Variants in OTOGL observed in about 807,000 individuals in gnomAD.
The protein encoded by OTOGL is otogelin-like protein.
In OTOGL, 285 loss-of-function variants were observed where a neutral mutation model predicts 318.5. That is an observed-to-expected ratio of 0.89 (90% CI 0.81 to 0.99). OTOGL has a LOEUF of 0.99. OTOGL is among the 50% of genes least tolerant of loss of function. The probability of loss-of-function intolerance (pLI) is 0.00; values close to 1 mark genes in which losing one functional copy is unlikely to be tolerated. For missense variants in OTOGL, 2,899 were observed against 2,845.6 expected (o/e 1.02, Z -0.43); for synonymous variants, 987 against 936.5 (o/e 1.05, Z -0.99).
At chr12:80,250,699 G>A (rs1156952862) in intron 11 of OTOGL, among the ~76,000 whole-genome samples, 2 of 152,146 alleles carry the variant, frequency 1.3e-5, no homozygotes, top group Non-Finnish European at 2.9e-5. Flanking sequence ...CAGGATAAGG[G>A]CAATTTGAGA....
chr12:80,298,027 A>G (rs991678239), intron 27 of OTOGL, among the ~76,000 whole-genome samples: 4 of 152,174 alleles, frequency 2.6e-5, no homozygotes, highest in African/African-American at 9.7e-5. Context: ...AGCCTGCCCA[A>G]TTTAAAAGAA....
chr12:80,278,993 T>TTTTTAA, intron 25 of OTOGL, 35 bp from the exon 26 acceptor site: 1 of 1,541,268 alleles, frequency 6.5e-7, no homozygotes, highest in Non-Finnish European at 8.8e-7. Flanking sequence ...TAGAGTCGTT[T>TTTTTAA]CTTTAGAAAG....
At chr12:80,211,523 G>C (rs1877255056) in intron 3 of OTOGL, among the ~76,000 whole-genome samples, 1 of 152,062 alleles carries the variant, frequency 6.6e-6, no homozygotes, top group African/African-American at 2.4e-5. Context: ...TTACATTAAT[G>C]TTAACTTGCC....
Position 80,309,550 on chromosome 12 carries a change from G to A in OTOGL, c.3334-1061G>A, listed in dbSNP as rs574734663. 5.9e-5 allele frequency among the ~76,000 whole-genome samples: 9 copies of A among 152,338 alleles called. No homozygotes were observed. In the South Asian group the frequency reaches 1.7e-3, roughly 28 times the overall value. On this transcript the variant is annotated intron_variant, in intron 29 of 58. Transcript: ENST00000547103. ...AAATACAGAATAGCTGAAGTGCAAA[G>A]TATAGATCTGCAAGATACAAGGGCC...
intron 1 of OTOGL, among the ~76,000 whole-genome samples, chr12:80,157,380 C>T (rs936268148): frequency 9.2e-5 from 14 of 151,864 alleles, no homozygotes; most frequent in Non-Finnish European, 1.9e-4. Context: ...TATTTTCTCC[C>T]ATTCTATGTG....
intron 8 of OTOGL, among the ~76,000 whole-genome samples, chr12:80,231,198 T>G (rs1407138596): frequency 5.9e-5 from 9 of 152,180 alleles, no homozygotes; most frequent in Non-Finnish European, 1.3e-4. Context: ...TTTTATAAAC[T>G]TAGAAACTTA....
intron 55 of OTOGL, among the ~76,000 whole-genome samples, chr12:80,369,757 G>A (rs993473011): frequency 6.6e-6 from 1 of 151,876 alleles, no homozygotes; most frequent in Non-Finnish European, 1.5e-5. Flanking sequence ...AATTGAGAAG[G>A]CCTAGAACAA....
At chr12:80,328,600 T>C in intron 35 of OTOGL, 65 bp from the exon 36 acceptor site, 2 of 1,174,948 alleles carry the variant, frequency 1.7e-6, no homozygotes, top group Middle Eastern at 2.0e-4. Flanking sequence ...ATGTTAAATG[T>C]AGTCCTTTTT....
chr12:80,208,199 G>A (rs775501697), intron 1 of OTOGL: 7 of 517,284 alleles, frequency 1.4e-5, no homozygotes, highest in African/African-American at 9.7e-5. Context: ...CTATTATTTC[G>A]GCAATGGAAA....
intron 54 of OTOGL, 107 bp downstream of exon 54, chr12:80,367,846 T>C: frequency 1.3e-6 from 1 of 749,588 alleles, no homozygotes. Flanking sequence ...ATATATATTA[T>C]ATAGTTCTTC....
intron 44 of OTOGL, 121 bp downstream of exon 44, chr12:80,342,283 C>A: frequency 1.4e-6 from 1 of 708,380 alleles, no homozygotes; most frequent in Non-Finnish European, 2.3e-6. Context: ...AACCTTCTGT[C>A]AGTATGCTTT....
In OTOGL at chr12:80,217,644, G is replaced by A; in HGVS notation, c.215G>A (p.Trp72Ter). The A allele has an allele frequency of 6.4e-7, 1 of 1,551,504 alleles. No homozygotes were observed. The highest frequency in any genetic ancestry group is 8.7e-7 in the Non-Finnish European group (1 of 1,146,332). The change falls in exon 5 of 59, where the codon TGG becomes TAG. Residue 72 changes from tryptophan (W) to a stop codon, truncating the protein, a stop_gained. Transcript: ENST00000547103. LOFTEE classifies it high-confidence loss of function. ...PRYFFHDAIN[W>*]GESKIKGSCP... ...TACTTTTTCCATGATGCTATTAATT[G>A]GGGTGAGAGCAAAATAAAAGGTCAG...
At chr12:80,126,333 C>G (rs1159829999) in intron 1 of OTOGL, among the ~76,000 whole-genome samples, 1 of 152,044 alleles carries the variant, frequency 6.6e-6, no homozygotes, top group African/African-American at 2.4e-5. Context: ...GTTCAGTTTC[C>G]ATGTAGTTGA....
chr12:80,358,303 A>G lies in OTOGL; in HGVS notation c.6075A>G (p.Thr2025=), dbSNP rs765086702. 3.1e-6 allele frequency: 5 copies of G among 1,611,430 alleles called. No homozygotes were observed. Among genetic ancestry groups the G allele is most frequent in the African/African-American group, 1.3e-5 (1 of 74,910 alleles). The part of the protein sequence containing the change: ...VPLCHDGEFL[T]VDLNSTHFCC... ...TATGTCATGATGGGGAATTTCTCAC[A>G]GTAGATCTTAATAGCACACACTTCT... The change falls in exon 50 of 59, where the codon ACA becomes ACG. Residue 2025 remains threonine, a synonymous_variant. Transcript: ENST00000547103.
chr12:80,250,170 C>T (rs530282824), intron 11 of OTOGL, among the ~76,000 whole-genome samples: 218 of 152,288 alleles, frequency 1.4e-3, no homozygotes, highest in African/African-American at 4.4e-3. Context: ...TGTTCCTATT[C>T]GGCCATCTTG....
At chr12:80,127,579 G>A (rs1239731869) in intron 1 of OTOGL, among the ~76,000 whole-genome samples, 1 of 152,172 alleles carries the variant, frequency 6.6e-6, no homozygotes, top group East Asian at 1.9e-4. Flanking sequence ...GAATCTGAAT[G>A]TTGGCCTGCC....
chr12:80,274,945 C>A (rs890096049), intron 24 of OTOGL, among the ~76,000 whole-genome samples: 1 of 151,944 alleles, frequency 6.6e-6, no homozygotes, highest in South Asian at 2.1e-4. Context: ...AAAAAAATTC[C>A]TTTTAAAATA....
chr12:80,103,869 C>T (rs1003563685), intron 1 of OTOGL, among the ~76,000 whole-genome samples: 1 of 152,154 alleles, frequency 6.6e-6, no homozygotes, highest in Non-Finnish European at 1.5e-5. Flanking sequence ...ATTCTAGACA[C>T]CTGAGAACTG....
intron 1 of OTOGL, among the ~76,000 whole-genome samples, chr12:80,102,458 C>G (rs141549462): frequency 7.2e-5 from 11 of 152,228 alleles, no homozygotes; most frequent in Non-Finnish European, 1.0e-4. Flanking sequence ...GCTTTTATTC[C>G]TTTTCCTCCT....
Sources: allele counts gnomAD v4.1 joint callset (sites outside exome capture counted in the v4.1 genomes callset), GRCh38; gene constraint gnomAD v4.1.1; transcripts MANE v1.5; gene names NCBI Gene and HGNC (gene_info 2026-07-23, HGNC 2026-07-21).